TGFBR1: variants seen among roughly 807,000 people sequenced by gnomAD.
TGFBR1 encodes the protein TGF-beta receptor type-1.
In TGFBR1, 20 loss-of-function variants were observed where a neutral mutation model predicts 55.1. The observed-to-expected ratio is 0.36, with a 90% CI of 0.26 to 0.53. The LOEUF (loss-of-function observed/expected upper bound fraction) is 0.53. TGFBR1 is among the 20% of genes least tolerant of loss of function. The pLI, the probability that TGFBR1 is intolerant of heterozygous loss-of-function variation, is 0.91. For missense variants in TGFBR1, 385 were observed against 617.6 expected, an observed-to-expected ratio of 0.62 and a Z score of 3.99; for synonymous variants, 220 against 214.8, an observed-to-expected ratio of 1.02 and a Z score of -0.21.
intron 1 of TGFBR1, among the ~76,000 whole-genome samples, chr9:99,118,365 G>A (rs76507831): frequency 6.6e-6 from 1 of 152,288 alleles, no homozygotes; most frequent in African/African-American, 2.4e-5. Flanking sequence ...TTGAGAAGTA[G>A]TGATGGATAT....
chr9:99,147,369 A>AG lies in TGFBR1; in HGVS notation c.1256-281dup, dbSNP rs772541998. 1.5e-4 allele frequency among the ~76,000 whole-genome samples: 23 copies of AG among 152,278 alleles called. No individual in the cohort carries two copies. In the East Asian group the frequency reaches 1.5e-3, roughly 10 times the overall value. On this transcript the variant is annotated intron_variant, in intron 7 of 8. Coordinates refer to ENST00000374994, the MANE Select transcript of TGFBR1 (RefSeq NM_004612.4). ...CTCATTTGCTGCACAATAGGGTTCT[A>AG]GGGGAAAATGTCAATCTGGTCATCA... is the stretch of plus-strand genomic sequence containing the variant.
rs1403864711 is a variant in TGFBR1, at chr9:99,137,864, C to T, written c.580C>T (p.Pro194Ser). The T allele has an allele frequency of 6.2e-7, 1 of 1,613,152 alleles. No individual in the cohort carries two copies. The highest frequency in any genetic ancestry group is 1.3e-5 in the African/African-American group (1 of 74,874). Residue 194 changes from proline to serine, a missense_variant, in exon 4 of 9, where the codon CCA (proline) becomes TCA (serine). Around this residue, in one of 5 missense-constraint regions of TGFBR1, gnomAD observed 85 missense variants for 228.4 expected, o/e 0.37. Transcript: ENST00000374994. ...CTATTTATTTTTACCTTTAGGTTTA[C>T]CATTGCTTGTTCAGAGAACAATTGC... ...MTTSGSGSGL[P>S]LLVQRTIART...
chr9:99,123,471 A>AAACCT (rs1270502615), intron 1 of TGFBR1, among the ~76,000 whole-genome samples: 1 of 152,084 alleles, frequency 6.6e-6, no homozygotes, highest in East Asian at 1.9e-4. Flanking sequence ...AAACCAAATC[A>AAACCT]GGTCCACCTG....
At chr9:99,147,398 C>T (rs1443395370) in intron 7 of TGFBR1, among the ~76,000 whole-genome samples, 3 of 152,270 alleles carry the variant, frequency 2.0e-5, no homozygotes, top group Middle Eastern at 3.4e-3. Context: ...GTCATCACAG[C>T]TCATAGTTTA....
At chr9:99,122,781 C>T (rs2118476954) in intron 1 of TGFBR1, among the ~76,000 whole-genome samples, 1 of 152,156 alleles carries the variant, frequency 6.6e-6, no homozygotes, top group South Asian at 2.1e-4. Context: ...CACTGAAATC[C>T]TTGTTTAACC....
chr9:99,109,453 G>T (rs1191354545), intron 1 of TGFBR1, among the ~76,000 whole-genome samples: 6 of 152,206 alleles, frequency 3.9e-5, no homozygotes, highest in Non-Finnish European at 7.3e-5. Flanking sequence ...TTCCTGTGAG[G>T]AGGGCCGCTC....
At chr9:99,114,617 T>C (rs535826429) in intron 1 of TGFBR1, among the ~76,000 whole-genome samples, 1 of 152,340 alleles carries the variant, frequency 6.6e-6, no homozygotes, top group East Asian at 1.9e-4. Context: ...ATGAACACAT[T>C]AGTCTTTCCC....
At chr9:99,106,141 G>A (rs1826408466) in intron 1 of TGFBR1, among the ~76,000 whole-genome samples, 1 of 152,234 alleles carries the variant, frequency 6.6e-6, no homozygotes, top group South Asian at 2.1e-4. Context: ...TTGATTAAAC[G>A]CTTTTTATTT....
At chr9:99,128,147 A>AGAT in intron 1 of TGFBR1, 1 of 380,034 alleles carries the variant, frequency 2.6e-6, no homozygotes, top group Non-Finnish European at 5.2e-6. Context: ...AAGATCAAGT[A>AGAT]GATACAAGTG....
At chr9:99,136,985 G>A (rs1827455904) in intron 3 of TGFBR1, among the ~76,000 whole-genome samples, 1 of 152,016 alleles carries the variant, frequency 6.6e-6, no homozygotes, top group Non-Finnish European at 1.5e-5. Context: ...ATTAAGTGAT[G>A]GTCTCACATA....
Position 99,134,802 on chromosome 9 carries a change from T to TTATATATATA in TGFBR1, c.574+2105_574+2114dup, listed in dbSNP as rs10625219. ...AAACAATGGAATAATTCTGTTTCCA[T>TTATATATATA]TATATATATATATATATATATATAT... On this transcript the variant is annotated intron_variant, in intron 3 of 8. Transcript: ENST00000374994. 3.0e-3 allele frequency among the ~76,000 whole-genome samples: 125 copies of TTATATATATA among 41,286 alleles called. 5 individuals carry two copies. Among genetic ancestry groups the TTATATATATA allele is most frequent in the East Asian group, 3.8e-3 (4 of 1,040 alleles). 27.1% of individuals were successfully genotyped at this position (41,286 alleles called of 152,430 possible). A position where few individuals can be genotyped will look rare whatever the true frequency, so the allele number is the denominator to read the frequency against.
At chr9:99,116,777 T>C (rs780781988) in intron 1 of TGFBR1, among the ~76,000 whole-genome samples, 5 of 152,186 alleles carry the variant, frequency 3.3e-5, no homozygotes, top group Admixed American at 6.5e-5. Context: ...TTTTGAGGTC[T>C]GAAAACTTTA....
At position 99,150,543 on chromosome 9, in the gene TGFBR1, A is replaced by T. The variant is rs1254375986; in HGVS notation, c.*1238A>T. 2 of 215,224 alleles carry T rather than the reference A, an allele frequency of 9.3e-6. No individual in the cohort carries two copies. The highest frequency in any genetic ancestry group is 1.9e-5 in the Non-Finnish European group (2 of 106,472). 13.3% of individuals were successfully genotyped at this position (215,224 alleles called of 1,614,324 possible). A position where few individuals can be genotyped will look rare whatever the true frequency, so the allele number is the denominator to read the frequency against. ...GATGTGCAAGAAAGTCACATTTGTT[A>T]TGTATGTAGGAGTAAACGTTCGGTG... On this transcript the variant is annotated 3_prime_UTR_variant, in exon 9 of 9. Coordinates refer to ENST00000374994, the MANE Select transcript of TGFBR1 (RefSeq NM_004612.4).
In TGFBR1 at chr9:99,146,493, C is replaced by G. The variant is rs746047431; in HGVS notation, c.1139C>G (p.Ala380Gly). The G allele has an allele frequency of 6.2e-7, 1 of 1,613,598 alleles. No homozygotes were observed. Among genetic ancestry groups the G allele is most frequent in the Non-Finnish European group, 8.5e-7 (1 of 1,179,818 alleles). Residue 380 changes from alanine to glycine, a missense_variant, in exon 7 of 9, where the codon GCC becomes GGC. Physicochemically the swap from Ala to Gly is moderately conservative, Grantham distance 60 (BLOSUM62 0). Transcript: ENST00000374994. The part of the protein sequence containing the change: ...NHRVGTKRYM[A>G]PEVLDDSINM... ...TTGCAAATTTTTTTTAGGTACATGGCCCCTGAAGTTCTCGATGATTCCATA... is the reference window on the plus strand; with the variant it reads ...TTGCAAATTTTTTTTAGGTACATGGGCCCTGAAGTTCTCGATGATTCCATA...
upstream of TGFBR1, chr9:99,105,089 A>G: frequency 1.3e-6 from 1 of 789,722 alleles, no homozygotes. Flanking sequence ...GAGCAGTTAC[A>G]AAGGGCCGGA....
intron 1 of TGFBR1, among the ~76,000 whole-genome samples, chr9:99,113,282 G>T (rs542972025): frequency 1.9e-4 from 29 of 152,298 alleles, no homozygotes; most frequent in African/African-American, 6.7e-4. Flanking sequence ...TCAGGTCATG[G>T]TTGCTGATGT....
chr9:99,135,037 A>G (rs1240041975), intron 3 of TGFBR1, among the ~76,000 whole-genome samples: 2 of 151,710 alleles, frequency 1.3e-5, no homozygotes, highest in Non-Finnish European at 2.9e-5. Context: ...TGTGCACATC[A>G]TTGGATTGTT....
chr9:99,134,582 G>A (rs1207472415), intron 3 of TGFBR1, among the ~76,000 whole-genome samples: 1 of 151,650 alleles, frequency 6.6e-6, no homozygotes, highest in African/African-American at 2.4e-5. Context: ...AAATCAGGAT[G>A]GCTACAGATA....
rs1564182997 is a variant in TGFBR1 at position 99,151,385 on chromosome 9, G to GTTTTTTTTTT, written c.*2080_*2081insTTTTTTTTTT. ...TGTGATCAGGTACTTTTTTTGTGGG[G>GTTTTTTTTTT]GTTTTTTTTTTGTTTTTTTTTTTTT... On this transcript the variant is annotated 3_prime_UTR_variant, in exon 9 of 9. Coordinates refer to ENST00000374994, the MANE Select transcript of TGFBR1 (RefSeq NM_004612.4). 4.5e-6 allele frequency: 1 copy of GTTTTTTTTTT among 220,092 alleles called. No individual in the cohort carries two copies. The highest frequency in any genetic ancestry group is 2.4e-5 in the African/African-American group (1 of 41,816). 13.6% of individuals were successfully genotyped at this position (220,092 alleles called of 1,614,324 possible).
Sources: allele counts gnomAD v4.1 joint callset (sites outside exome capture counted in the v4.1 genomes callset), GRCh38; gene constraint gnomAD v4.1.1; regional missense constraint gnomAD v4.1.1; transcripts MANE v1.5; gene names NCBI Gene and HGNC (gene_info 2026-07-23, HGNC 2026-07-21).